Variants in EML6 observed in about 807,000 individuals in gnomAD.
EML6 encodes EMAP like 6, also known as echinoderm microtubule-associated protein-like 6.
In EML6, 154 loss-of-function variants were observed where a neutral mutation model predicts 240.1. The ratio of observed to expected loss-of-function variants is 0.64; its 90% CI spans 0.56 to 0.73. The LOEUF (loss-of-function observed/expected upper bound fraction) is 0.73. Among genes scored for constraint, EML6 ranks in the 30% least tolerant of loss-of-function variants. EML6 has a pLI of 0.00. For missense variants in EML6, 2,964 were observed against 2,474.6 expected (o/e 1.20, Z -4.20); for synonymous variants, 1,148 against 899.0 (o/e 1.28, Z -4.95).
chr2:54,793,827 G>A (rs909445278), intron 2 of EML6, among the ~76,000 whole-genome samples: 1 of 152,160 alleles, frequency 6.6e-6, no homozygotes, highest in Non-Finnish European at 1.5e-5. Flanking sequence ...GAATGCAGCT[G>A]TGATGGCTGG....
intron 28 of EML6, among the ~76,000 whole-genome samples, chr2:54,932,511 GAC>G: frequency 6.6e-6 from 1 of 152,170 alleles, no homozygotes; most frequent in East Asian, 1.9e-4. Context: ...GCCCCAACCT[GAC>G]ACACCTCTTA....
intron 2 of EML6, among the ~76,000 whole-genome samples, chr2:54,731,780 G>C (rs1220655224): frequency 1.3e-5 from 2 of 152,156 alleles, no homozygotes; most frequent in Non-Finnish European, 2.9e-5. Context: ...TGTGATAGGT[G>C]AAAAACTGTT....
chr2:54,788,800 T>A (rs558037584), intron 2 of EML6, among the ~76,000 whole-genome samples: 5 of 152,304 alleles, frequency 3.3e-5, no homozygotes, highest in East Asian at 1.9e-4. Context: ...ATCAAAACAT[T>A]ATTTCTCCTG....
At chr2:54,825,231 T>A (rs1668530690) in intron 5 of EML6, among the ~76,000 whole-genome samples, 1 of 152,230 alleles carries the variant, frequency 6.6e-6, no homozygotes, top group Non-Finnish European at 1.5e-5. Context: ...GAAAGGGAAC[T>A]GTCTGCCTTA....
chr2:54,851,549 G>C (rs111410274), intron 10 of EML6, among the ~76,000 whole-genome samples: 108 of 152,290 alleles, frequency 7.1e-4, no homozygotes, highest in African/African-American at 2.5e-3. Context: ...GTACACTATA[G>C]TAGTCTGTAT....
rs1210251590 is a variant in EML6, at chr2:54,813,260, G to C, written c.226G>C (p.Val76Leu). 4 of 1,550,670 alleles carry C rather than the reference G, an allele frequency of 2.6e-6. No homozygotes were observed. The highest frequency in any genetic ancestry group is 2.7e-5 in the African/African-American group (2 of 73,132). ...SLALHPDKTL[V>L]ATGQVGKEPY... ...TGCCTTACACCCAGACAAAACTCTC[G>C]TTGCAACTGGCCAAGTCGGGAAGGA... The change falls in exon 3 of 42, where the codon GTT becomes CTT. Residue 76 changes from valine (V) to leucine (L), a missense_variant. Coordinates refer to ENST00000356458, the MANE Select transcript of EML6 (RefSeq NM_001039753.4).
At chr2:54,822,289 AG>A (rs1668368870) in intron 5 of EML6, among the ~76,000 whole-genome samples, 1 of 152,192 alleles carries the variant, frequency 6.6e-6, no homozygotes. Flanking sequence ...GCTGGTAGAG[AG>A]GGGTAAGCTG....
chr2:54,895,366 T>C lies in EML6; in HGVS notation c.2948T>C (p.Ile983Thr). ...ACAAAAAATGGAGAGATTCTGGAAA[T>C]TGATAAGAGTGGCCCAATGACACTG... Reference protein sequence around the residue: ...VGTKNGEILEIDKSGPMTLLV... With the variant: ...VGTKNGEILETDKSGPMTLLV... Residue 983 changes from isoleucine to threonine, a missense_variant, in exon 21 of 42, where the codon ATT becomes ACT. Coordinates refer to ENST00000356458, the MANE Select transcript of EML6 (RefSeq NM_001039753.4). 6.4e-7 allele frequency: 1 copy of C among 1,552,012 alleles called. No individual in the cohort carries two copies. The highest frequency in any genetic ancestry group is 8.7e-7 in the Non-Finnish European group (1 of 1,146,972).
At chr2:54,791,558 T>A (rs1170204376) in intron 2 of EML6, among the ~76,000 whole-genome samples, 3 of 152,186 alleles carry the variant, frequency 2.0e-5, no homozygotes, top group African/African-American at 7.2e-5. Context: ...GTCAGTGGAT[T>A]CTATAATTAG....
chr2:54,908,329 C>G (rs2104268384), intron 24 of EML6, among the ~76,000 whole-genome samples: 1 of 151,472 alleles, frequency 6.6e-6, no homozygotes, highest in South Asian at 2.1e-4. Flanking sequence ...CTCACATCAG[C>G]TTCCCAAGCA....
chr2:54,966,765 G>T (rs544999099), intron 38 of EML6: 6 of 289,550 alleles, frequency 2.1e-5, no homozygotes, highest in Non-Finnish European at 3.9e-5. Flanking sequence ...TCAGAGAACC[G>T]CTATCTTAGG....
chr2:54,857,890 G>C (rs1433706100), intron 11 of EML6, among the ~76,000 whole-genome samples: 2 of 152,024 alleles, frequency 1.3e-5, no homozygotes, highest in Admixed American at 6.6e-5. Flanking sequence ...AGAGAGATAA[G>C]GCCTAAGTAT....
chr2:54,827,241 C>T (rs7569768), intron 5 of EML6, among the ~76,000 whole-genome samples: 71,011 of 152,038 alleles, frequency 0.47, 16,819 homozygotes, highest in African/African-American at 0.54. Context: ...TGATAAAAAA[C>T]TAAGCAAAAC....
At chr2:54,776,229 G>A (rs1259966656) in intron 2 of EML6, among the ~76,000 whole-genome samples, 1 of 152,072 alleles carries the variant, frequency 6.6e-6, no homozygotes, top group Non-Finnish European at 1.5e-5. Context: ...GGAGGAGAAA[G>A]GGGCTTTATT....
Position 54,962,606 on chromosome 2 carries a change from T to A in EML6, c.5052T>A (p.Gly1684=), listed in dbSNP as rs2104538096. The part of the protein sequence containing the change: ...KNAASNILID[G]HMEGEIWGLA... ...CTGCTTCTAACATCCTGATTGATGG[T>A]CACATGGAAGGGGAGATCTGGGGCC... The change falls in exon 36 of 42, where the codon GGT becomes GGA. Residue 1684 remains glycine (G), a synonymous_variant. Transcript: ENST00000356458. The A allele has an allele frequency of 6.5e-7, 1 of 1,549,234 alleles. No homozygotes were observed. The highest frequency in any genetic ancestry group is 2.5e-5 in the East Asian group (1 of 40,788).
intron 7 of EML6, among the ~76,000 whole-genome samples, chr2:54,832,551 T>A (rs1440150198): frequency 6.6e-6 from 1 of 152,122 alleles, no homozygotes; most frequent in Non-Finnish European, 1.5e-5. Context: ...TACATAGGAT[T>A]TGAGGAGATA....
At chr2:54,727,449 T>C (rs1682960265) in intron 2 of EML6, among the ~76,000 whole-genome samples, 1 of 152,266 alleles carries the variant, frequency 6.6e-6, no homozygotes, top group Non-Finnish European at 1.5e-5. Context: ...ATGTTTATGC[T>C]GTTCTTTTGC....
At chr2:54,932,520 C>T (rs187364310) in intron 28 of EML6, among the ~76,000 whole-genome samples, 2 of 152,284 alleles carry the variant, frequency 1.3e-5, no homozygotes, top group Admixed American at 1.3e-4. Context: ...TGACACACCT[C>T]TTACTCTCAA....
intron 13 of EML6, 63 bp downstream of exon 13, chr2:54,863,952 G>A: frequency 1.2e-6 from 1 of 859,388 alleles, no homozygotes; most frequent in Non-Finnish European, 1.8e-6. Flanking sequence ...CCTGGATTTG[G>A]ACATAGCACT....
Sources: gnomAD v4.1 joint callset for allele counts (sites outside exome capture counted in the v4.1 genomes callset) on GRCh38, gnomAD v4.1.1 for gene constraint, MANE v1.5 for transcripts, NCBI Gene and HGNC (gene_info 2026-07-23, HGNC 2026-07-21) for gene names.